The following CREB5 variants were observed in gnomAD, a reference collection of about 807,000 sequenced individuals.
The protein encoded by CREB5 is cAMP responsive element binding protein 5.
In CREB5, 19 loss-of-function variants were observed where a neutral mutation model predicts 57.1. The observed-to-expected ratio is 0.33, with a 90% CI of 0.23 to 0.49. The LOEUF (loss-of-function observed/expected upper bound fraction) is 0.49. CREB5 is among the 20% of genes least tolerant of loss of function. CREB5 has a pLI of 0.99. For missense variants in CREB5, 579 were observed against 671.6 expected (o/e 0.86, Z 1.52); for synonymous variants, 238 against 238.3 (o/e 1.00, Z 0.01).
At chr7:28,406,527 A>G (rs1382774109) in intron 1 of CREB5, among the ~76,000 whole-genome samples, 1 of 152,160 alleles carries the variant, frequency 6.6e-6, no homozygotes, top group Non-Finnish European at 1.5e-5. Context: ...CAGCCAGTTT[A>G]CCTTGGTTCT....
At chr7:28,813,594 C>T (rs1464780431) in intron 9 of CREB5, among the ~76,000 whole-genome samples, 1 of 152,054 alleles carries the variant, frequency 6.6e-6, no homozygotes, top group Non-Finnish European at 1.5e-5. Flanking sequence ...ATTGTAGAGC[C>T]CATTTTGATA....
intron 5 of CREB5, among the ~76,000 whole-genome samples, chr7:28,635,201 G>A (rs1051612593): frequency 6.6e-5 from 10 of 152,160 alleles, no homozygotes; most frequent in South Asian, 2.1e-4. Context: ...AATGACTGTC[G>A]AGTGAGCCTG....
intron 1 of CREB5, among the ~76,000 whole-genome samples, chr7:28,315,482 C>T (rs917657801): frequency 2.0e-5 from 3 of 152,180 alleles, no homozygotes; most frequent in African/African-American, 4.8e-5. Flanking sequence ...CGCTTCCAGC[C>T]GGGTGCTGCA....
chr7:28,409,013 G>A (rs112482630), upstream of CREB5, among the ~76,000 whole-genome samples: 1 of 150,724 alleles, frequency 6.6e-6, no homozygotes, highest in African/African-American at 2.4e-5. This position sits in a 1 kb window ranked among gnomAD's most constrained non-coding sequence, Gnocchi z 4.4. Context: ...CCGCAGAAGA[G>A]CCCACGCCCG....
intron 3 of CREB5, among the ~76,000 whole-genome samples, chr7:28,505,022 C>T (rs1366356777): frequency 2.6e-5 from 4 of 152,212 alleles, no homozygotes; most frequent in Non-Finnish European, 4.4e-5. Context: ...GTGCTACAAA[C>T]TTGGCCTTAT....
At chr7:28,569,161 T>C (rs898776281) in intron 4 of CREB5, among the ~76,000 whole-genome samples, 14 of 151,736 alleles carry the variant, frequency 9.2e-5, no homozygotes, top group Non-Finnish European at 1.8e-4. Flanking sequence ...CTTTTCTTTT[T>C]TTTTTTCTTT....
chr7:28,506,912 C>T (rs1322438191), intron 3 of CREB5, among the ~76,000 whole-genome samples: 2 of 152,120 alleles, frequency 1.3e-5, no homozygotes, highest in Non-Finnish European at 2.9e-5. Flanking sequence ...GTAGAAAGCT[C>T]TGTAGAAAGT....
At chr7:28,343,778 G>A (rs962450739) in intron 1 of CREB5, among the ~76,000 whole-genome samples, 6 of 152,058 alleles carry the variant, frequency 3.9e-5, no homozygotes, top group African/African-American at 1.4e-4. Flanking sequence ...TTACTTTTTG[G>A]GGAAACTCCA....
At chr7:28,427,925 C>T (rs1179539005) in intron 1 of CREB5, among the ~76,000 whole-genome samples, 3 of 152,068 alleles carry the variant, frequency 2.0e-5, no homozygotes, top group Non-Finnish European at 4.4e-5. Flanking sequence ...GGCAGTGAAC[C>T]AAACAAACAA....
chr7:28,494,791 T>A, intron 2 of CREB5, 115 bp from the exon 3 acceptor site: 1 of 653,070 alleles, frequency 1.5e-6, no homozygotes, highest in Non-Finnish European at 2.5e-6. Context: ...TTTTTTTTGT[T>A]TTGCCTGTCA....
chr7:28,421,076 A>G (rs1339518311), intron 1 of CREB5, among the ~76,000 whole-genome samples: 1 of 152,144 alleles, frequency 6.6e-6, no homozygotes, highest in Admixed American at 6.5e-5. Context: ...CTGGGCTTTT[A>G]GTGCATCTGT....
chr7:28,620,774 G>A (rs936238620), intron 5 of CREB5, among the ~76,000 whole-genome samples: 9 of 152,122 alleles, frequency 5.9e-5, no homozygotes, highest in African/African-American at 2.2e-4. Context: ...TTCAGAGTCA[G>A]GAGTTGTCTA....
At chr7:28,585,648 C>G (rs1430256086) in intron 5 of CREB5, among the ~76,000 whole-genome samples, 1 of 152,158 alleles carries the variant, frequency 6.6e-6, no homozygotes, top group East Asian at 1.9e-4. Context: ...GATTTAAAGG[C>G]AACGTCCTTG....
intron 1 of CREB5, among the ~76,000 whole-genome samples, chr7:28,444,698 G>C (rs35234356): frequency 0.21 from 31,918 of 152,134 alleles, 4,332 homozygotes; most frequent in South Asian, 0.31. Context: ...TCTCCTGCTG[G>C]TCTGCCCCTG....
intron 1 of CREB5, among the ~76,000 whole-genome samples, chr7:28,348,392 T>C (rs1786113137): frequency 8.8e-6 from 1 of 113,982 alleles, no homozygotes; most frequent in African/African-American, 3.2e-5. Context: ...TGTCTCTCTC[T>C]CTCTGTCTCT....
intron 1 of CREB5, among the ~76,000 whole-genome samples, chr7:28,427,209 C>T (rs981561052): frequency 4.6e-5 from 7 of 152,110 alleles, no homozygotes; most frequent in Non-Finnish European, 8.8e-5. Context: ...CAGAGAGGAA[C>T]ATAATTTGTA....
chr7:28,732,091 A>G (rs1470494003), intron 7 of CREB5, among the ~76,000 whole-genome samples: 3 of 152,100 alleles, frequency 2.0e-5, no homozygotes, highest in Non-Finnish European at 4.4e-5. Context: ...CACTGCTCAC[A>G]CAAGCACAGA....
chr7:28,301,779 G>C (rs4722783), intron 1 of CREB5, among the ~76,000 whole-genome samples: 90,625 of 151,706 alleles, frequency 0.6, 29,733 homozygotes, highest in East Asian at 0.96. Context: ...GTTTAGCTCA[G>C]AGGAGGAGGA....
At chr7:28,511,613 T>C (rs1356021552) in intron 4 of CREB5, among the ~76,000 whole-genome samples, 1 of 152,144 alleles carries the variant, frequency 6.6e-6, no homozygotes, top group African/African-American at 2.4e-5. Flanking sequence ...GCCTCCCAAG[T>C]AGCTGGGACT....
Sources: allele counts gnomAD v4.1 joint callset (sites outside exome capture counted in the v4.1 genomes callset), GRCh38; gene constraint gnomAD v4.1.1; non-coding constraint Gnocchi (gnomAD v3.1); transcripts MANE v1.5; gene names NCBI Gene and HGNC (gene_info 2026-07-23, HGNC 2026-07-21).